Variants in GABRG1 observed in about 807,000 individuals in gnomAD.
GABRG1 encodes the protein gamma-aminobutyric acid type A receptor subunit gamma1, also known as gamma-aminobutyric acid receptor subunit gamma-1.
Under a neutral mutation model 49.8 loss-of-function variants are expected in GABRG1, and 49 were observed. The observed-to-expected ratio is 0.98, with a 90% CI of 0.78 to 1.25. The LOEUF (loss-of-function observed/expected upper bound fraction) is 1.25. Among genes scored for constraint, GABRG1 ranks in the 50% most tolerant of loss-of-function variants. The pLI is 0.00. For synonymous variants in GABRG1, 232 were observed against 185.1 expected (o/e 1.25, Z -2.06); for missense variants, 552 against 552.3 (o/e 1.00, Z 0.01).
At position 46,038,754 on chromosome 4, in the gene GABRG1, T is replaced by C. The variant is rs979679825; in HGVS notation, c.*2234A>G. 6.6e-5 allele frequency: 10 copies of C among 151,712 alleles called. No homozygotes were observed. The highest frequency in any genetic ancestry group is 1.5e-5 in the Non-Finnish European group (1 of 67,712). The allele number at this position is 151,712 out of a possible 1,614,324, so 9.4% of individuals were successfully genotyped here. A position where few individuals can be genotyped will look rare whatever the true frequency, so the allele number is the denominator to read the frequency against. On this transcript the variant is annotated 3_prime_UTR_variant, in exon 9 of 9. Coordinates refer to ENST00000295452, the MANE Select transcript of GABRG1 (RefSeq NM_173536.4). ...TTCTGATCACACATTTAAATAAAAC[T>C]GATCAAAATACCACTTGCTTTGAAA...
chr4:46,040,886 T>C lies in GABRG1; in HGVS notation c.*102A>G, dbSNP rs1448998454. The C allele has an allele frequency of 1.7e-6, 2 of 1,171,166 alleles. No individual in the cohort carries two copies. The highest frequency in any genetic ancestry group is 1.5e-5 in the African/African-American group (1 of 64,766). 72.5% of individuals were successfully genotyped at this position (1,171,166 alleles called of 1,614,324 possible). ...ACAATACTATTCACATTTTAACCAT[T>C]GGTCTCTCTGCATTTTAAATTTAAA... On this transcript the variant is annotated 3_prime_UTR_variant, in exon 9 of 9. Transcript: ENST00000295452.
intron 2 of GABRG1, among the ~76,000 whole-genome samples, chr4:46,089,680 A>G (rs1175711867): frequency 6.6e-6 from 1 of 152,090 alleles, no homozygotes; most frequent in Non-Finnish European, 1.5e-5. Context: ...GTAGGAAAAT[A>G]GGCTAGGCAT....
At chr4:46,094,979 A>C (rs1720120071) in intron 2 of GABRG1, among the ~76,000 whole-genome samples, 1 of 151,974 alleles carries the variant, frequency 6.6e-6, no homozygotes, top group African/African-American at 2.4e-5. Context: ...AGTATATTCA[A>C]ACAAAAATTT....
intron 8 of GABRG1, among the ~76,000 whole-genome samples, chr4:46,044,007 ATAT>A (rs1478918229): frequency 1.3e-5 from 2 of 151,964 alleles, no homozygotes; most frequent in Non-Finnish European, 2.9e-5. Context: ...TGAATGGTAA[ATAT>A]TATTTGATGA....
intron 3 of GABRG1, among the ~76,000 whole-genome samples, chr4:46,066,937 T>C (rs1487024448): frequency 6.6e-6 from 1 of 151,750 alleles, no homozygotes; most frequent in Non-Finnish European, 1.5e-5. Context: ...TGTATATACT[T>C]TTGATATTTA....
Position 46,050,540 on chromosome 4 carries a change from T to G in GABRG1, c.1131+884A>C, listed in dbSNP as rs999485519. ...TTGATACATTTCTCATTTATTTGAG[T>G]ATTTTGAAACAAATCTTTGAAAGCA... On this transcript the variant is annotated intron_variant, in intron 8 of 8. Coordinates refer to ENST00000295452, the MANE Select transcript of GABRG1 (RefSeq NM_173536.4). Among the ~76,000 whole-genome samples the G allele has an allele frequency of 1.4e-4, 22 of 152,062 alleles. 1 individual carries two copies. Among genetic ancestry groups the G allele is most frequent in the Admixed American group, 5.3e-4 (8 of 15,200 alleles).
intron 8 of GABRG1, among the ~76,000 whole-genome samples, chr4:46,047,220 G>T (rs1577629333): frequency 6.6e-6 from 1 of 151,966 alleles, no homozygotes; most frequent in African/African-American, 2.4e-5. Flanking sequence ...GTGCTTAGTG[G>T]CTATTATATT....
rs777476200 is a variant in GABRG1 at position 46,041,012 on chromosome 4, A to G, written c.1374T>C (p.Tyr458=). ...PTAFALFNLV[Y]WVGYLYL ...TTTATAAGTAAAGATAGCCAACCCA[A>G]TAAACCAAGTTGAACAGGGCAAAAG... The change falls in exon 9 of 9, where the codon TAT becomes TAC. Residue 458 remains tyrosine (Y), a synonymous_variant. Coordinates refer to ENST00000295452, the MANE Select transcript of GABRG1 (RefSeq NM_173536.4). 16 of 1,612,290 alleles carry G rather than the reference A, an allele frequency of 9.9e-6. No individual in the cohort carries two copies. The East Asian group carries it at 2.5e-4, about 25-fold the overall frequency.
rs1312386876 is a variant in GABRG1 at position 46,039,369 on chromosome 4, ATAAAT to A, written c.*1614_*1618del. On this transcript the variant is annotated 3_prime_UTR_variant, in exon 9 of 9. Transcript: ENST00000295452. ...GCTGGGAACACACAGTAAATTATAAATAAATTAATTAAAAATTTAAAAAACTAGAT... is the reference window on the plus strand; with the variant it reads ...GCTGGGAACACACAGTAAATTATAAATAATTAAAAATTTAAAAAACTAGAT... The A allele has an allele frequency of 4.6e-5, 7 of 151,716 alleles. No homozygotes were observed. The highest frequency in any genetic ancestry group is 1.7e-4 in the African/African-American group (7 of 41,424). 9.4% of individuals were successfully genotyped at this position (151,716 alleles called of 1,614,324 possible).
At chr4:46,117,849 T>C (rs1473268823) in intron 1 of GABRG1, among the ~76,000 whole-genome samples, 2 of 93,968 alleles carry the variant, frequency 2.1e-5, no homozygotes, top group Non-Finnish European at 1.9e-5. Flanking sequence ...TATACATGTG[T>C]ATCTATATAC....
intron 3 of GABRG1, among the ~76,000 whole-genome samples, chr4:46,080,583 T>G (rs1719526015): frequency 6.6e-6 from 1 of 151,774 alleles, no homozygotes; most frequent in African/African-American, 2.4e-5. Flanking sequence ...TTTGCTCCAC[T>G]GGGGAAACTA....
intron 3 of GABRG1, among the ~76,000 whole-genome samples, chr4:46,075,696 C>T (rs941358340): frequency 1.3e-5 from 2 of 151,694 alleles, no homozygotes; most frequent in African/African-American, 2.4e-5. Context: ...TTTAAAAAAT[C>T]AAATAAAAGA....
chr4:46,044,210 C>T (rs1173206600), intron 8 of GABRG1, among the ~76,000 whole-genome samples: 1 of 152,070 alleles, frequency 6.6e-6, no homozygotes, highest in Non-Finnish European at 1.5e-5. Context: ...CGTTGGCTCA[C>T]ACCTGTAATC....
chr4:46,086,264 A>C (rs1719749070), intron 2 of GABRG1, among the ~76,000 whole-genome samples: 1 of 151,720 alleles, frequency 6.6e-6, no homozygotes, highest in Non-Finnish European at 1.5e-5. Context: ...AAAAGTTTAA[A>C]ATTTTAAAAA....
chr4:46,105,293 GA>G (rs1560372402), intron 1 of GABRG1, among the ~76,000 whole-genome samples: 3 of 151,086 alleles, frequency 2.0e-5, no homozygotes, highest in African/African-American at 7.3e-5. Flanking sequence ...AAGTGAAAAA[GA>G]AAAAAAGAAA....
chr4:46,097,973 C>T (rs961401855), intron 1 of GABRG1, among the ~76,000 whole-genome samples: 2 of 151,604 alleles, frequency 1.3e-5, no homozygotes, highest in Non-Finnish European at 3.0e-5. Context: ...TCATCTTGCA[C>T]ATATATTTGG....
rs1720189107 is a variant in GABRG1, at chr4:46,097,123, A to G, written c.253+78T>C. The G allele has an allele frequency of 3.2e-6, 4 of 1,244,562 alleles. No individual in the cohort carries two copies. The African/African-American group carries it at 6.2e-5, about 19-fold the overall frequency. The allele number at this position is 1,244,562 out of a possible 1,614,324, so 77.1% of individuals were successfully genotyped here. On this transcript the variant is annotated intron_variant, in intron 2 of 8. Transcript: ENST00000295452. ...ACATACATCAGACACTCAAGGAATA[A>G]GAAATAATGATTAAAATAGTACCAG...
chr4:46,085,823 A>G (rs1334264693), intron 2 of GABRG1, among the ~76,000 whole-genome samples: 1 of 151,564 alleles, frequency 6.6e-6, no homozygotes, highest in Admixed American at 6.6e-5. Flanking sequence ...TAGCACTATG[A>G]TTTTCTCAAT....
chr4:46,056,150 T>TAAAAAAAAAAAAAAAAAAAAAA lies in GABRG1; in HGVS notation c.916+2066_916+2067insTTTTTTTTTTTTTTTTTTTTTT, dbSNP rs1491407033. ...AAAAAAAAAAAAATAAATAAATAAA[T>TAAAAAAAAAAAAAAAAAAAAAA]TAAAAAAAAAAAAAAAAAAAAAAAA... On this transcript the variant is annotated intron_variant, in intron 7 of 8. Transcript: ENST00000295452. Among the ~76,000 whole-genome samples the TAAAAAAAAAAAAAAAAAAAAAA allele has an allele frequency of 4.3e-5, 2 of 46,018 alleles. 1 individual carries two copies. The highest frequency in any genetic ancestry group is 1.0e-4 in the Non-Finnish European group (2 of 19,300). The allele number at this position is 46,018 out of a possible 152,430, so 30.2% of individuals were successfully genotyped here. A position where few individuals can be genotyped will look rare whatever the true frequency, so the allele number is the denominator to read the frequency against.
Sources: allele counts gnomAD v4.1 joint callset (sites outside exome capture counted in the v4.1 genomes callset), GRCh38; gene constraint gnomAD v4.1.1; transcripts MANE v1.5; gene names NCBI Gene and HGNC (gene_info 2026-07-23, HGNC 2026-07-21).